The following PSPC1 variants were observed in gnomAD, a reference collection of about 807,000 sequenced individuals.
PSPC1 encodes paraspeckle protein 1.
A neutral mutation model predicts 51.6 loss-of-function variants in PSPC1; 14 were observed. The observed-to-expected ratio is 0.27, with a 90% CI of 0.18 to 0.42. The LOEUF is 0.42. Among genes scored for constraint, PSPC1 ranks in the 10% least tolerant of loss-of-function variants. The pLI, the probability that PSPC1 is intolerant of heterozygous loss-of-function variation, is 1.00. For synonymous variants in PSPC1, 193 were observed against 231.9 expected (o/e 0.83, Z 1.53); for missense variants, 406 against 701.1 (o/e 0.58, Z 4.75).
intron 6 of PSPC1, among the ~76,000 whole-genome samples, chr13:19,711,000 G>C (rs1297474252): frequency 1.3e-5 from 2 of 151,976 alleles, no homozygotes; most frequent in Admixed American, 6.6e-5. Context: ...ATCATGCCTG[G>C]TGAATTTTTG....
intron 1 of PSPC1, among the ~76,000 whole-genome samples, chr13:19,777,806 C>A (rs147892259): frequency 6.6e-6 from 1 of 152,018 alleles, no homozygotes. Flanking sequence ...ATTAGCCAGG[C>A]CTGGTGGCAC....
At chr13:19,761,763 G>A (rs1044158323) in intron 2 of PSPC1, among the ~76,000 whole-genome samples, 39 of 152,250 alleles carry the variant, frequency 2.6e-4, no homozygotes, top group African/African-American at 9.1e-4. Context: ...CCAAAATGAA[G>A]ATGATGCATT....
At chr13:19,682,719 G>A (rs1360093236) in intron 6 of PSPC1, among the ~76,000 whole-genome samples, 2 of 152,192 alleles carry the variant, frequency 1.3e-5, no homozygotes, top group Admixed American at 6.5e-5. Flanking sequence ...AAGAAAACAG[G>A]ACAGGCACTT....
chr13:19,715,410 T>G (rs532054321), intron 6 of PSPC1, among the ~76,000 whole-genome samples: 338 of 152,302 alleles, frequency 2.2e-3, no homozygotes, highest in African/African-American at 8.0e-3. Context: ...CATGGATATT[T>G]TTCCTTTAAT....
chr13:19,758,485 C>T (rs1027941123), intron 3 of PSPC1, among the ~76,000 whole-genome samples: 1 of 152,122 alleles, frequency 6.6e-6, no homozygotes, highest in Non-Finnish European at 1.5e-5. Context: ...TACCCTGGCA[C>T]ACCAAAAATC....
At chr13:19,682,862 G>C (rs1877424794) in intron 6 of PSPC1, among the ~76,000 whole-genome samples, 1 of 151,362 alleles carries the variant, frequency 6.6e-6, no homozygotes, top group Admixed American at 6.6e-5. Flanking sequence ...AGGAGTTCAA[G>C]ACCAACCTGG....
chr13:19,730,457 A>G, intron 5 of PSPC1, 113 bp from the exon 6 acceptor site: 1 of 918,482 alleles, frequency 1.1e-6, no homozygotes, highest in Non-Finnish European at 1.7e-6. Flanking sequence ...CAAACCTGTA[A>G]TCACGACTGA....
downstream of PSPC1, among the ~76,000 whole-genome samples, chr13:19,701,683 T>C (rs1375009426): frequency 1.3e-5 from 2 of 152,234 alleles, no homozygotes; most frequent in Non-Finnish European, 2.9e-5. Flanking sequence ...AAAATTTAAA[T>C]TGTTTCTTTC....
downstream of PSPC1, among the ~76,000 whole-genome samples, chr13:19,698,230 A>T (rs1287801212): frequency 6.6e-6 from 1 of 152,024 alleles, no homozygotes; most frequent in Non-Finnish European, 1.5e-5. Flanking sequence ...ATATATAAAT[A>T]AAAATGTGAA....
chr13:19,766,991 T>C (rs1888138834), intron 2 of PSPC1, among the ~76,000 whole-genome samples: 1 of 150,114 alleles, frequency 6.7e-6, no homozygotes, highest in Admixed American at 6.7e-5. Flanking sequence ...CTGGACAAAA[T>C]GACAAAATCC....
chr13:19,672,168 G>A (rs1369394955), downstream of PSPC1: 1 of 311,286 alleles, frequency 3.2e-6, no homozygotes, highest in Non-Finnish European at 6.0e-6. Context: ...TCTGGAGACG[G>A]AGTTTCGCTC....
intron 6 of PSPC1, among the ~76,000 whole-genome samples, chr13:19,716,501 T>C (rs1251447188): frequency 6.6e-6 from 1 of 152,206 alleles, no homozygotes; most frequent in Non-Finnish European, 1.5e-5. Flanking sequence ...CAATACTCTT[T>C]TTTAGGTCAC....
At chr13:19,672,438 C>T (rs528391384), downstream of PSPC1, 3 of 151,924 alleles carry the variant, frequency 2.0e-5, no homozygotes, top group Non-Finnish European at 2.9e-5. Flanking sequence ...GCCACCGCAC[C>T]CAGCAAGAGT....
At chr13:19,733,787 ATAT>A (rs1304981839) in intron 5 of PSPC1, among the ~76,000 whole-genome samples, 1 of 97,134 alleles carries the variant, frequency 1.0e-5, no homozygotes, top group Non-Finnish European at 2.1e-5. Flanking sequence ...AGAAAAAAAA[ATAT>A]ATATATATAT....
At chr13:19,755,907 T>C (rs533806876) in intron 3 of PSPC1, among the ~76,000 whole-genome samples, 1 of 152,252 alleles carries the variant, frequency 6.6e-6, no homozygotes, top group Non-Finnish European at 1.5e-5. Flanking sequence ...CCTAGAACAG[T>C]GGCTAACACA....
intron 6 of PSPC1, among the ~76,000 whole-genome samples, chr13:19,721,143 T>A (rs1882721277): frequency 6.6e-6 from 1 of 152,184 alleles, no homozygotes; most frequent in South Asian, 2.1e-4. Context: ...CTGACTAGCC[T>A]AAAATATAAT....
At chr13:19,751,856 G>C (rs1886587934) in intron 3 of PSPC1, among the ~76,000 whole-genome samples, 1 of 152,146 alleles carries the variant, frequency 6.6e-6, no homozygotes, top group African/African-American at 2.4e-5. Flanking sequence ...AGGATATCAA[G>C]ACCATCCTGG....
chr13:19,778,984 G>A (rs1254224011), intron 1 of PSPC1, among the ~76,000 whole-genome samples: 67 of 141,612 alleles, frequency 4.7e-4, no homozygotes, highest in Admixed American at 1.1e-3. Flanking sequence ...CTGCCCGGCC[G>A]CCCATCGTCT....
chr13:19,699,880 T>C (rs1191161247), downstream of PSPC1, among the ~76,000 whole-genome samples: 1 of 151,984 alleles, frequency 6.6e-6, no homozygotes, highest in Non-Finnish European at 1.5e-5. Flanking sequence ...CAGAAATATA[T>C]TTTAACACAT....
Sources: allele counts gnomAD v4.1 joint callset (sites outside exome capture counted in the v4.1 genomes callset), GRCh38; gene constraint gnomAD v4.1.1; transcripts MANE v1.5; gene names NCBI Gene and HGNC (gene_info 2026-07-23, HGNC 2026-07-21).